Variants in ANKRD10 observed in about 807,000 individuals in gnomAD.
ANKRD10 encodes ankyrin repeat domain 10, also known as ankyrin repeat domain-containing protein 10.
In ANKRD10, 14 loss-of-function variants were observed where a neutral mutation model predicts 27.0. The observed-to-expected ratio is 0.52, with a 90% CI of 0.34 to 0.81. ANKRD10 has a LOEUF of 0.81. ANKRD10 is among the 40% of genes least tolerant of loss of function. The probability of loss-of-function intolerance (pLI) is 0.01; values close to 1 mark genes in which losing one functional copy is unlikely to be tolerated. For synonymous variants in ANKRD10, 250 were observed against 224.5 expected (o/e 1.11, Z -1.01); for missense variants, 493 against 544.0 (o/e 0.91, Z 0.93).
chr13:110,892,788 A>T (rs1470777588), intron 4 of ANKRD10: 15 of 1,233,000 alleles, frequency 1.2e-5, no homozygotes, highest in Non-Finnish European at 1.4e-5. Flanking sequence ...TGGGTGCTCA[A>T]AAAGTTCCAC....
chr13:110,893,571 C>A (rs1181640537), intron 3 of ANKRD10, among the ~76,000 whole-genome samples: 1 of 152,242 alleles, frequency 6.6e-6, no homozygotes, highest in Non-Finnish European at 1.5e-5. Context: ...TAACTTCAGA[C>A]TTGAAACTGA....
chr13:110,883,506 A>C, intron 5 of ANKRD10, 192 bp downstream of exon 5: 1 of 1,329,382 alleles, frequency 7.5e-7, no homozygotes, highest in South Asian at 2.3e-5. Context: ...TGGACAACAA[A>C]GTGCAAAACA....
At chr13:110,904,518 TTAA>T (rs1231932699) in intron 3 of ANKRD10, among the ~76,000 whole-genome samples, 1 of 152,214 alleles carries the variant, frequency 6.6e-6, no homozygotes, top group Non-Finnish European at 1.5e-5. Context: ...TAGAAAGTCA[TTAA>T]AAATATCAAC....
intron 3 of ANKRD10, among the ~76,000 whole-genome samples, chr13:110,895,532 A>G (rs1244584989): frequency 6.6e-6 from 1 of 151,816 alleles, no homozygotes; most frequent in African/African-American, 2.4e-5. Context: ...GGCTGCAGTG[A>G]GCCGAGATCA....
chr13:110,906,221 C>T (rs868523010), intron 2 of ANKRD10, 97 bp from the exon 3 acceptor site: 2 of 925,952 alleles, frequency 2.2e-6, no homozygotes. Context: ...CCTTCTCATC[C>T]TTTTTTGAAG....
In ANKRD10 at chr13:110,882,085, A is replaced by G. The variant is rs560392710; in HGVS notation, c.787+1613T>C. Among the ~76,000 whole-genome samples, 3 of 152,284 alleles carry G rather than the reference A, an allele frequency of 2.0e-5. No individual in the cohort carries two copies. The East Asian group carries it at 5.8e-4, about 29-fold the overall frequency. On this transcript the variant is annotated intron_variant, in intron 5 of 5. Coordinates refer to ENST00000267339, the MANE Select transcript of ANKRD10 (RefSeq NM_017664.4). ...CTACTTCTCTTCCAGCCAACCCCAT[A>G]GAGAAGATCAGGATTTAGAAGCAAG...
chr13:110,883,939 C>G, intron 4 of ANKRD10, 146 bp from the exon 5 acceptor site: 1 of 899,368 alleles, frequency 1.1e-6, no homozygotes, highest in Non-Finnish European at 1.6e-6. Context: ...ATGAGCTTAG[C>G]ACACAACTGA....
intron 3 of ANKRD10, chr13:110,895,282 T>A (rs2065196653): frequency 6.6e-6 from 1 of 152,206 alleles, no homozygotes; most frequent in South Asian, 2.1e-4. Flanking sequence ...GAAATGGCAC[T>A]TAGAATCATA....
At chr13:110,910,190 C>G (rs1212295234) in intron 2 of ANKRD10, among the ~76,000 whole-genome samples, 2 of 152,242 alleles carry the variant, frequency 1.3e-5, no homozygotes, top group Admixed American at 6.5e-5. Context: ...ATACTTAGCA[C>G]TTATCTGCAT....
At chr13:110,898,460 G>T (rs1468584922) in intron 3 of ANKRD10, among the ~76,000 whole-genome samples, 1 of 152,198 alleles carries the variant, frequency 6.6e-6, no homozygotes. Context: ...TGAAACACTT[G>T]ATTTACAGGT....
At chr13:110,901,521 T>G (rs185070392) in intron 3 of ANKRD10, among the ~76,000 whole-genome samples, 1 of 152,194 alleles carries the variant, frequency 6.6e-6, no homozygotes, top group Non-Finnish European at 1.5e-5. Context: ...GCACTACCTA[T>G]AAAAGTAGTA....
intron 3 of ANKRD10, among the ~76,000 whole-genome samples, chr13:110,901,419 C>T (rs529608650): frequency 4.4e-4 from 67 of 152,250 alleles, no homozygotes; most frequent in Non-Finnish European, 8.1e-4. Flanking sequence ...ACCATCATTC[C>T]AGTAGTCTGA....
chr13:110,897,670 G>A (rs960445849), intron 3 of ANKRD10, among the ~76,000 whole-genome samples: 5 of 152,266 alleles, frequency 3.3e-5, no homozygotes, highest in East Asian at 1.9e-4. Context: ...AGCATGGCAG[G>A]TGCAGATGTC....
intron 3 of ANKRD10, among the ~76,000 whole-genome samples, chr13:110,900,029 C>T (rs529240750): frequency 1.3e-5 from 2 of 152,102 alleles, no homozygotes; most frequent in African/African-American, 2.4e-5. Flanking sequence ...CTAGGCAACA[C>T]AGGAAGACCC....
chr13:110,914,646 C>T lies in ANKRD10; in HGVS notation c.210+79G>A, dbSNP rs1264113806. 9 of 1,470,996 alleles carry T rather than the reference C, an allele frequency of 6.1e-6. No individual in the cohort carries two copies. The Admixed American group carries it at 9.0e-5, about 15-fold the overall frequency. The allele number at this position is 1,470,996 out of a possible 1,614,324, so 91.1% of individuals were successfully genotyped here. A position where few individuals can be genotyped will look rare whatever the true frequency, so the allele number is the denominator to read the frequency against. ...CCCGCGATCCCGGCACGCCCCACGTCCCCCGCACCTCAGACCCGCTTTCCC... is the reference window on the plus strand; with the variant it reads ...CCCGCGATCCCGGCACGCCCCACGTTCCCCGCACCTCAGACCCGCTTTCCC... On this transcript the variant is annotated intron_variant, in intron 1 of 5. Transcript: ENST00000267339.
intron 3 of ANKRD10, among the ~76,000 whole-genome samples, chr13:110,897,587 A>G (rs1004553687): frequency 2.0e-5 from 3 of 152,166 alleles, no homozygotes; most frequent in African/African-American, 7.2e-5. Flanking sequence ...TATATATACC[A>G]CATTTTATCT....
At chr13:110,894,302 C>T in intron 3 of ANKRD10, 2 of 627,108 alleles carry the variant, frequency 3.2e-6, no homozygotes, top group Non-Finnish European at 5.6e-6. Flanking sequence ...GCAAGCTACA[C>T]TACATCCACA....
chr13:110,908,165 A>G (rs2065591908), intron 2 of ANKRD10, among the ~76,000 whole-genome samples: 1 of 152,200 alleles, frequency 6.6e-6, no homozygotes, highest in Non-Finnish European at 1.5e-5. Context: ...GGGAACTGGG[A>G]GCAGTGCCAG....
At chr13:110,906,366 G>A (rs1243107704) in intron 2 of ANKRD10, among the ~76,000 whole-genome samples, 3 of 152,094 alleles carry the variant, frequency 2.0e-5, no homozygotes, top group Non-Finnish European at 2.9e-5. Flanking sequence ...TAGTGACAGC[G>A]TGATTGCTCT....
Sources: allele counts gnomAD v4.1 joint callset (sites outside exome capture counted in the v4.1 genomes callset), GRCh38; gene constraint gnomAD v4.1.1; transcripts MANE v1.5; gene names NCBI Gene and HGNC (gene_info 2026-07-23, HGNC 2026-07-21).